Variants in BBOX1 observed in about 807,000 individuals in gnomAD.
The protein encoded by BBOX1 is gamma-butyrobetaine dioxygenase.
BBOX1 carries 35 observed loss-of-function variants against 41.6 expected under a neutral mutation model. The observed-to-expected ratio is 0.84, with a 90% CI of 0.64 to 1.11. The LOEUF is 1.11. Among genes scored for constraint, BBOX1 ranks in the 50% most tolerant of loss-of-function variants. The pLI, the probability that BBOX1 is intolerant of heterozygous loss-of-function variation, is 0.00. For synonymous variants in BBOX1, 163 were observed against 154.7 expected (o/e 1.05, Z -0.40); for missense variants, 458 against 460.6 (o/e 0.99, Z 0.05).
intron 5 of BBOX1, among the ~76,000 whole-genome samples, chr11:27,108,330 G>A (rs181298347): frequency 1.3e-5 from 2 of 152,184 alleles, no homozygotes; most frequent in African/African-American, 4.8e-5. Context: ...AAGAATGTAG[G>A]TGAATCAATG....
intron 4 of BBOX1, among the ~76,000 whole-genome samples, chr11:27,090,107 G>A (rs1039593217): frequency 6.6e-5 from 10 of 152,006 alleles, no homozygotes; most frequent in Non-Finnish European, 8.8e-5. Flanking sequence ...AATAGTTTAA[G>A]TATGAGGGAC....
rs543114948 is a variant in BBOX1, at chr11:27,078,054, T to C, written c.335-15114T>C. On this transcript the variant is annotated intron_variant, in intron 4 of 8. Coordinates refer to ENST00000263182, the MANE Select transcript of BBOX1 (RefSeq NM_003986.3). ...GTACCCCCTCCACGAGCATGTGGAC[T>C]TCTTTTATTGTCCAAGTTCTGCTTG... Among the ~76,000 whole-genome samples the C allele has an allele frequency of 3.9e-5, 6 of 152,204 alleles. No homozygotes were observed. The South Asian group carries it at 1.0e-3, about 26-fold the overall frequency.
intron 5 of BBOX1, among the ~76,000 whole-genome samples, chr11:27,104,669 A>T (rs1242454949): frequency 6.6e-6 from 1 of 152,142 alleles, no homozygotes; most frequent in East Asian, 1.9e-4. Context: ...CCTTAAAAAA[A>T]TGGCATGAGA....
At chr11:27,085,295 T>C (rs1590199484) in intron 4 of BBOX1, among the ~76,000 whole-genome samples, 1 of 152,170 alleles carries the variant, frequency 6.6e-6, no homozygotes, top group African/African-American at 2.4e-5. Flanking sequence ...TGAAGGCTTG[T>C]AGCAACACGC....
intron 4 of BBOX1, among the ~76,000 whole-genome samples, chr11:27,075,929 G>C (rs961423819): frequency 5.3e-5 from 8 of 152,292 alleles, no homozygotes; most frequent in African/African-American, 1.7e-4. Context: ...CTGACAGTTG[G>C]GGCAGAGCTG....
chr11:27,055,516 A>ACCCAG lies in BBOX1; in HGVS notation c.88_92dup (p.Val32GlnfsTer5). The stretch of plus-strand genomic sequence containing the variant: ...TGGTATGATGAGGAAGAGTCTCTCT[A>ACCCAG]CCCAGCTGTATGGTTGAGAGACAAC... On this transcript the variant is annotated frameshift_variant, in exon 3 of 9. Transcript: ENST00000263182. LOFTEE classifies it high-confidence loss of function. 1 of 1,614,146 alleles carries ACCCAG rather than the reference A, an allele frequency of 6.2e-7. No individual in the cohort carries two copies. The highest frequency in any genetic ancestry group is 8.5e-7 in the Non-Finnish European group (1 of 1,180,014).
chr11:27,047,525 C>A (rs1851523013), intron 2 of BBOX1, among the ~76,000 whole-genome samples: 1 of 152,048 alleles, frequency 6.6e-6, no homozygotes, highest in Admixed American at 6.5e-5. Flanking sequence ...ATTAGTGTTT[C>A]ACATTTCAAG....
At chr11:27,096,308 T>C (rs1296138709) in intron 5 of BBOX1, among the ~76,000 whole-genome samples, 1 of 151,990 alleles carries the variant, frequency 6.6e-6, no homozygotes, top group Non-Finnish European at 1.5e-5. Flanking sequence ...GTTTCTCCAC[T>C]GGAAAAGTAT....
chr11:27,101,752 A>G (rs1858668917), intron 5 of BBOX1, among the ~76,000 whole-genome samples: 2 of 152,164 alleles, frequency 1.3e-5, no homozygotes, highest in Non-Finnish European at 2.9e-5. Flanking sequence ...CAAAAATTGT[A>G]TATATTTACA....
At position 27,069,173 on chromosome 11, in the gene BBOX1, G is replaced by A. The variant is rs557830390; in HGVS notation, c.334+11858G>A. Among the ~76,000 whole-genome samples, 3 of 152,098 alleles carry A rather than the reference G, an allele frequency of 2.0e-5. No homozygotes were observed. The South Asian group carries it at 6.2e-4, about 32-fold the overall frequency. ...GAATCTGTAGATTGCTTTGGGCAAT[G>A]TGGTCATTCTTAAAATATTGAGTCT... is the stretch of plus-strand genomic sequence containing the variant. On this transcript the variant is annotated intron_variant, in intron 4 of 8. Transcript: ENST00000263182.
At chr11:27,045,705 G>T (rs1340352082) in intron 2 of BBOX1, among the ~76,000 whole-genome samples, 1 of 152,066 alleles carries the variant, frequency 6.6e-6, no homozygotes, top group Admixed American at 6.6e-5. Context: ...AACAGATACT[G>T]ACGTTTGCTA....
chr11:27,042,514 G>A (rs933782894), intron 2 of BBOX1, among the ~76,000 whole-genome samples: 5 of 152,076 alleles, frequency 3.3e-5, no homozygotes, highest in Non-Finnish European at 7.4e-5. Flanking sequence ...CACCATGCCT[G>A]CCTAATTTTC....
chr11:27,110,916 G>A (rs1158536477), intron 5 of BBOX1, among the ~76,000 whole-genome samples: 1 of 151,800 alleles, frequency 6.6e-6, no homozygotes, highest in African/African-American at 2.4e-5. Flanking sequence ...CATTTTTCAA[G>A]CCATATTTGG....
intron 2 of BBOX1, among the ~76,000 whole-genome samples, chr11:27,044,842 A>G (rs958846020): frequency 6.6e-6 from 1 of 152,164 alleles, no homozygotes; most frequent in Non-Finnish European, 1.5e-5. Context: ...GCCTTGTAGT[A>G]TAGTCTGAAG....
intron 8 of BBOX1, 37 bp from the exon 9 acceptor site, chr11:27,127,256 A>G: frequency 6.2e-7 from 1 of 1,600,772 alleles, no homozygotes; most frequent in Non-Finnish European, 8.5e-7. Flanking sequence ...TCATTTAAAC[A>G]CACAATTATT....
At chr11:27,111,505 AT>A (rs1023074754) in intron 5 of BBOX1, among the ~76,000 whole-genome samples, 16 of 151,878 alleles carry the variant, frequency 1.1e-4, no homozygotes, top group African/African-American at 3.6e-4. Context: ...AGCTGAAATT[AT>A]TTTTTATTAC....
intron 5 of BBOX1, among the ~76,000 whole-genome samples, chr11:27,101,457 C>T (rs1858651491): frequency 6.6e-6 from 1 of 152,010 alleles, no homozygotes; most frequent in Admixed American, 6.6e-5. Context: ...TCAAAAAGAA[C>T]CCTACTAAAT....
At chr11:27,053,292 A>T (rs1487853383) in intron 2 of BBOX1, among the ~76,000 whole-genome samples, 1 of 152,176 alleles carries the variant, frequency 6.6e-6, no homozygotes, top group Non-Finnish European at 1.5e-5. Flanking sequence ...TTTAAGCATG[A>T]TTGTATTCCA....
chr11:27,074,736 T>C (rs947072680), intron 4 of BBOX1, among the ~76,000 whole-genome samples: 4 of 152,224 alleles, frequency 2.6e-5, no homozygotes, highest in African/African-American at 9.6e-5. Context: ...AAACTGATAG[T>C]TACATTTAAA....
Sources: allele counts gnomAD v4.1 joint callset (sites outside exome capture counted in the v4.1 genomes callset), GRCh38; gene constraint gnomAD v4.1.1; transcripts MANE v1.5; gene names NCBI Gene and HGNC (gene_info 2026-07-23, HGNC 2026-07-21).